UNC13C: variants seen among roughly 807,000 people sequenced by gnomAD.
UNC13C encodes the protein protein unc-13 homolog C.
Under a neutral mutation model 245.4 loss-of-function variants are expected in UNC13C, and 174 were observed. That is an observed-to-expected ratio of 0.71 (90% CI 0.63 to 0.80). The LOEUF (loss-of-function observed/expected upper bound fraction) is 0.80. Ranked by LOEUF, UNC13C falls within the 30% of genes least tolerant of loss-of-function variation. The pLI, the probability that UNC13C is intolerant of heterozygous loss-of-function variation, is 0.00. For missense variants in UNC13C, 2,829 were observed against 2,602.9 expected, an observed-to-expected ratio of 1.09 and a Z score of -1.89; for synonymous variants, 992 against 895.1, an observed-to-expected ratio of 1.11 and a Z score of -1.93.
the UNC13C span, among the ~76,000 whole-genome samples, chr15:53,908,412 A>T: frequency 6.8e-6 from 1 of 146,358 alleles, no homozygotes; most frequent in African/African-American, 2.4e-5. Flanking sequence ...CAAAAATGAA[A>T]TGGTCAGGCT....
intron 4 of UNC13C, among the ~76,000 whole-genome samples, chr15:54,175,819 G>T (rs926475566): frequency 1.3e-5 from 2 of 152,176 alleles, no homozygotes; most frequent in Non-Finnish European, 2.9e-5. Context: ...TATTGAAAGT[G>T]TTATGGGTCA....
At chr15:54,625,657 T>C (rs977202432) in intron 32 of UNC13C, among the ~76,000 whole-genome samples, 11 of 152,122 alleles carry the variant, frequency 7.2e-5, no homozygotes, top group Admixed American at 2.6e-4. Flanking sequence ...GTTCATGATT[T>C]CCTATAGTCG....
intron 19 of UNC13C, among the ~76,000 whole-genome samples, chr15:54,433,300 A>G (rs1419177411): frequency 6.6e-6 from 1 of 152,124 alleles, no homozygotes; most frequent in Non-Finnish European, 1.5e-5. Context: ...TTTCAGGCCA[A>G]TATCCCTGAT....
intron 2 of UNC13C, among the ~76,000 whole-genome samples, chr15:54,106,771 A>G (rs1478846978): frequency 1.3e-5 from 2 of 152,204 alleles, no homozygotes; most frequent in Non-Finnish European, 2.9e-5. Flanking sequence ...AAAATATCAA[A>G]CCAGCCCATG....
intron 4 of UNC13C, among the ~76,000 whole-genome samples, chr15:54,155,395 A>T (rs1355596649): frequency 6.6e-6 from 1 of 152,286 alleles, no homozygotes; most frequent in East Asian, 1.9e-4. Context: ...TATTGTGAAA[A>T]CACGTCATAA....
chr15:54,378,947 A>G lies in UNC13C; in HGVS notation c.4714-14101A>G, dbSNP rs190729493. Among the ~76,000 whole-genome samples, 686 of 152,200 alleles carry G rather than the reference A, an allele frequency of 4.5e-3. 1 individual carries two copies. The highest frequency in any genetic ancestry group is 0.016 in the South Asian group (76 of 4,822). The stretch of plus-strand genomic sequence containing the variant: ...ATGCAGTTTTGGCAATTTAAATGTC[A>G]GGATACCTCTGACTCATTTAAACTG... On this transcript the variant is annotated intron_variant, in intron 17 of 32. Coordinates refer to ENST00000260323, the MANE Select transcript of UNC13C (RefSeq NM_001080534.3).
At chr15:53,846,255 C>T in the UNC13C span, among the ~76,000 whole-genome samples, 1 of 152,192 alleles carries the variant, frequency 6.6e-6, no homozygotes, top group African/African-American at 2.4e-5. Context: ...TTGATCAGAT[C>T]TTTGCATTCA....
At chr15:54,353,640 A>C (rs2039033251) in intron 17 of UNC13C, among the ~76,000 whole-genome samples, 2 of 152,162 alleles carry the variant, frequency 1.3e-5, no homozygotes, top group Non-Finnish European at 2.9e-5. Flanking sequence ...GGCCTCATTT[A>C]CTTAACCTAT....
intron 2 of UNC13C, among the ~76,000 whole-genome samples, chr15:54,102,533 G>A (rs1370643657): frequency 6.6e-6 from 1 of 152,176 alleles, no homozygotes; most frequent in East Asian, 1.9e-4. Context: ...CTGGGAATGT[G>A]CTGCTCCAGT....
chr15:54,526,204 G>A (rs1895450169), intron 25 of UNC13C, among the ~76,000 whole-genome samples: 2 of 152,218 alleles, frequency 1.3e-5, no homozygotes, highest in Non-Finnish European at 2.9e-5. Context: ...TTAAATGTTT[G>A]TTAAAACTGG....
rs191500217 is a variant in UNC13C, at chr15:54,315,776, G to A, written c.4269-6163G>A. Reference sequence around the variant, plus strand: ...TCAATTTTTAGTTCCCAGCTCACTTGGCAGAAGAACCATTCACGTAGTCAC... The same window carrying A: ...TCAATTTTTAGTTCCCAGCTCACTTAGCAGAAGAACCATTCACGTAGTCAC... On this transcript the variant is annotated intron_variant, in intron 13 of 32. Transcript: ENST00000260323. 1.1e-3 allele frequency among the ~76,000 whole-genome samples: 173 copies of A among 151,712 alleles called. 2 individuals carry two copies. The highest frequency in any genetic ancestry group is 5.7e-4 in the Non-Finnish European group (39 of 67,842).
chr15:54,322,209 G>T, intron 14 of UNC13C, 114 bp downstream of exon 14: 1 of 1,057,290 alleles, frequency 9.5e-7, no homozygotes, highest in South Asian at 1.9e-5. Flanking sequence ...ACATTTTAGG[G>T]AATAGCGTAA....
At chr15:54,221,641 G>C (rs1432186255) in intron 4 of UNC13C, among the ~76,000 whole-genome samples, 2 of 151,114 alleles carry the variant, frequency 1.3e-5, no homozygotes, top group East Asian at 3.9e-4. Flanking sequence ...CTTATACCTT[G>C]CTTTAATGTT....
chr15:54,093,201 A>G (rs1023201195), intron 2 of UNC13C, among the ~76,000 whole-genome samples: 3 of 152,172 alleles, frequency 2.0e-5, no homozygotes, highest in Non-Finnish European at 4.4e-5. Flanking sequence ...ACAAAAAAAA[A>G]AAAGCCAAAA....
chr15:54,596,345 G>A (rs939723891), intron 30 of UNC13C, among the ~76,000 whole-genome samples: 1 of 152,114 alleles, frequency 6.6e-6, no homozygotes, highest in African/African-American at 2.4e-5. Flanking sequence ...TTCCCGCAAG[G>A]AAGGTGACTA....
chr15:54,024,714 C>T (rs1896034342), intron 2 of UNC13C, among the ~76,000 whole-genome samples: 1 of 152,054 alleles, frequency 6.6e-6, no homozygotes, highest in Admixed American at 6.6e-5. Flanking sequence ...GTCAGGATAT[C>T]GAGACCATCC....
At chr15:54,009,048 C>T (rs902423149) in intron 1 of UNC13C, among the ~76,000 whole-genome samples, 4 of 152,152 alleles carry the variant, frequency 2.6e-5, no homozygotes, top group African/African-American at 9.7e-5. Context: ...GGAAGTTCCA[C>T]AGCTGGTATT....
chr15:53,993,586 T>C (rs1249608489), intron 1 of UNC13C, among the ~76,000 whole-genome samples: 1 of 152,104 alleles, frequency 6.6e-6, no homozygotes, highest in African/African-American at 2.4e-5. Context: ...TGGCATTACA[T>C]TGACTTGAGT....
intron 18 of UNC13C, among the ~76,000 whole-genome samples, chr15:54,407,244 A>G (rs903409421): frequency 2.6e-5 from 4 of 152,186 alleles, no homozygotes; most frequent in African/African-American, 9.6e-5. Flanking sequence ...TGATTAGTGC[A>G]ATTATTAAGG....
Sources: allele counts gnomAD v4.1 joint callset (sites outside exome capture counted in the v4.1 genomes callset), GRCh38; gene constraint gnomAD v4.1.1; transcripts MANE v1.5; gene names NCBI Gene and HGNC (gene_info 2026-07-23, HGNC 2026-07-21).